ADAMTS7: variants seen among roughly 807,000 people sequenced by gnomAD.
ADAMTS7 encodes the protein ADAM metallopeptidase with thrombospondin type 1 motif 7.
ADAMTS7 carries 89 observed loss-of-function variants against 172.6 expected under a neutral mutation model. That is an observed-to-expected ratio of 0.52 (90% CI 0.43 to 0.61). The LOEUF is 0.61. Among genes scored for constraint, ADAMTS7 ranks in the 20% least tolerant of loss-of-function variants. The probability of loss-of-function intolerance (pLI) is 0.00; values close to 1 mark genes in which losing one functional copy is unlikely to be tolerated. For missense variants in ADAMTS7, 1,973 were observed against 2,355.6 expected (o/e 0.84, Z 3.36); for synonymous variants, 885 against 978.4 (o/e 0.90, Z 1.78).
At chr15:78,792,846 A>T (rs1163641151) in intron 4 of ADAMTS7, among the ~76,000 whole-genome samples, 1 of 151,928 alleles carries the variant, frequency 6.6e-6, no homozygotes, top group African/African-American at 2.4e-5. Context: ...AGAGAAAGAG[A>T]GAGAGAGAAA....
intron 19 of ADAMTS7, 85 bp downstream of exon 19, chr15:78,765,560 T>A: frequency 6.3e-7 from 1 of 1,577,932 alleles, no homozygotes; most frequent in Non-Finnish European, 8.6e-7. Flanking sequence ...ACGGCGCCTG[T>A]GTCCCACTCT....
chr15:78,793,112 C>G (rs117542630), intron 4 of ADAMTS7, among the ~76,000 whole-genome samples: 1,983 of 152,270 alleles, frequency 0.013, 13 homozygotes, highest in Non-Finnish European at 0.015. Flanking sequence ...GCTTAGCATG[C>G]ATTATCTCAT....
Position 78,792,892 on chromosome 15 carries a change from G to A in ADAMTS7, c.820-1669C>T, listed in dbSNP as rs186754221. ...AATGGGGTAAAAAGGGACCTGTCTT[G>A]CTATCCTTGGGACAGACCCACCCAA... On this transcript the variant is annotated intron_variant, in intron 4 of 23. Transcript: ENST00000388820. Among the ~76,000 whole-genome samples, 659 of 152,294 alleles carry A rather than the reference G, an allele frequency of 4.3e-3. 2 individuals are homozygous for A. Among genetic ancestry groups the A allele is most frequent in the African/African-American group, 0.015 (611 of 41,550 alleles).
At position 78,804,316 on chromosome 15, in the gene ADAMTS7, GT is replaced by G. The variant is rs1206950603; in HGVS notation, c.101-3770del. 9.2e-5 allele frequency among the ~76,000 whole-genome samples: 14 copies of G among 152,338 alleles called. No individual in the cohort carries two copies. The East Asian group carries it at 2.7e-3, about 29-fold the overall frequency. ...TCAAGAGAAATCTCATGTGCCGGGG[GT>G]TGGGGGAGCTCTGGCATCCATGCTT... On this transcript the variant is annotated intron_variant, in intron 1 of 23. Coordinates refer to ENST00000388820, the MANE Select transcript of ADAMTS7 (RefSeq NM_014272.5).
In ADAMTS7 at chr15:78,771,134, G is replaced by A. The variant is rs1421901407; in HGVS notation, c.2518+28C>T. On this transcript the variant is annotated intron_variant, in intron 16 of 23. Transcript: ENST00000388820. The surrounding 1 kb of genome is among the most constrained non-coding windows in gnomAD (Gnocchi z 4.9). ...CTGTCCAGACACTAAGCCCCTGCAG[G>A]TGGGGCTGTGCCTGCCCCACTTCTC... is the stretch of plus-strand genomic sequence containing the variant. 6 of 1,577,994 alleles carry A rather than the reference G, an allele frequency of 3.8e-6. No homozygotes were observed. In the Admixed American group the frequency reaches 8.8e-5, roughly 23 times the overall value.
Position 78,791,236 on chromosome 15 carries a change from T to C in ADAMTS7, c.820-13A>G. 6.2e-7 allele frequency: 1 copy of C among 1,608,880 alleles called. No homozygotes were observed. The highest frequency in any genetic ancestry group is 8.5e-7 in the Non-Finnish European group (1 of 1,177,090). ...ACAGGCCAGCCACCTGCCCAAGAGA[T>C]GGGGGGGTCAGGTTGTCACGAGGAT... On this transcript the variant is annotated splice_polypyrimidine_tract_variant and intron_variant, in intron 4 of 23. Coordinates refer to ENST00000388820, the MANE Select transcript of ADAMTS7 (RefSeq NM_014272.5).
At chr15:78,783,153 GC>G (rs2055455017) in intron 8 of ADAMTS7, among the ~76,000 whole-genome samples, 1 of 152,074 alleles carries the variant, frequency 6.6e-6, no homozygotes, top group Admixed American at 6.5e-5. Context: ...CCCCAAAATA[GC>G]CCCCATCCAA....
At chr15:78,801,052 G>T (rs557731979) in intron 1 of ADAMTS7, among the ~76,000 whole-genome samples, 1 of 152,234 alleles carries the variant, frequency 6.6e-6, no homozygotes, top group South Asian at 2.1e-4. Flanking sequence ...GGATTGCTGC[G>T]GTAACTTCTT....
At chr15:78,778,069 C>CTG (rs2055377982) in intron 8 of ADAMTS7, among the ~76,000 whole-genome samples, 1 of 152,236 alleles carries the variant, frequency 6.6e-6, no homozygotes, top group African/African-American at 2.4e-5. Context: ...GGAAAGCAGC[C>CTG]CCTCCCCTGG....
intron 8 of ADAMTS7, among the ~76,000 whole-genome samples, chr15:78,777,846 C>T (rs1333919753): frequency 2.6e-5 from 4 of 152,228 alleles, no homozygotes; most frequent in Non-Finnish European, 5.9e-5. Context: ...CCTCCGCACA[C>T]GCTGCCAGGG....
intron 9 of ADAMTS7, 126 bp downstream of exon 9, chr15:78,777,318 A>T: frequency 7.5e-7 from 1 of 1,337,732 alleles, no homozygotes; most frequent in Non-Finnish European, 1.0e-6. Context: ...TCACAGTGTC[A>T]CTCAGGGGCG....
intron 22 of ADAMTS7, among the ~76,000 whole-genome samples, 182 bp downstream of exon 22, chr15:78,763,517 G>A (rs371378661): frequency 8.1e-4 from 124 of 152,280 alleles, no homozygotes; most frequent in African/African-American, 2.5e-3. Context: ...CAGCACACGC[G>A]CCCTTTCCTT....
chr15:78,803,267 G>A (rs1398690558), intron 1 of ADAMTS7, among the ~76,000 whole-genome samples: 2 of 151,970 alleles, frequency 1.3e-5, no homozygotes, highest in African/African-American at 4.8e-5. Context: ...TGCTGAGGTG[G>A]GAGGCTCTCT....
rs1321837364 is a variant in ADAMTS7 at position 78,759,331 on chromosome 15, T to G, written c.*90A>C. The G allele has an allele frequency of 1.4e-5, 19 of 1,344,832 alleles. 2 individuals carry two copies. In the East Asian group the frequency reaches 5.0e-4, roughly 35 times the overall value. The allele number at this position is 1,344,832 out of a possible 1,614,324, so 83.3% of individuals were successfully genotyped here. On this transcript the variant is annotated 3_prime_UTR_variant, in exon 24 of 24. Transcript: ENST00000388820. ...CTGCTGCTGGGTAGTGAGAGGGGGT[T>G]AGCACCATTAGGGCGCAGGGGGCGG...
At chr15:78,770,299 A>G (rs2055225942) in intron 16 of ADAMTS7, among the ~76,000 whole-genome samples, 1 of 151,590 alleles carries the variant, frequency 6.6e-6, no homozygotes, top group South Asian at 2.1e-4. Flanking sequence ...TTGTCATCAT[A>G]ATAGCATTTG....
At chr15:78,808,477 C>A (rs1465570668) in intron 1 of ADAMTS7, among the ~76,000 whole-genome samples, 1 of 152,180 alleles carries the variant, frequency 6.6e-6, no homozygotes, top group East Asian at 1.9e-4. Flanking sequence ...CTCAAGTGAT[C>A]CGCCAGCCTC....
intron 1 of ADAMTS7, among the ~76,000 whole-genome samples, chr15:78,801,874 A>C (rs1490661974): frequency 2.6e-5 from 4 of 152,018 alleles, no homozygotes; most frequent in Non-Finnish European, 5.9e-5. Context: ...TTTTTAATAC[A>C]GATGGGATCT....
chr15:78,793,072 A>G (rs1159146568), intron 4 of ADAMTS7, among the ~76,000 whole-genome samples: 1 of 152,182 alleles, frequency 6.6e-6, no homozygotes, highest in Non-Finnish European at 1.5e-5. Context: ...ACCTCAATCG[A>G]GCTTAACACG....
chr15:78,778,335 G>C (rs548061379), intron 8 of ADAMTS7, among the ~76,000 whole-genome samples: 5 of 152,238 alleles, frequency 3.3e-5, no homozygotes, highest in Non-Finnish European at 7.3e-5. Context: ...GGACCCTGGG[G>C]AGGGCGGCCC....
Sources: gnomAD v4.1 joint callset for allele counts (sites outside exome capture counted in the v4.1 genomes callset) on GRCh38, gnomAD v4.1.1 for gene constraint, Gnocchi (gnomAD v3.1) non-coding constraint, MANE v1.5 for transcripts, NCBI Gene and HGNC (gene_info 2026-07-23, HGNC 2026-07-21) for gene names.